DBP: variants seen among roughly 807,000 people sequenced by gnomAD.
DBP encodes D-box binding PAR bZIP transcription factor.
A neutral mutation model predicts 21.4 loss-of-function variants in DBP; 12 were observed. That is an observed-to-expected ratio of 0.56 (90% confidence interval 0.36 to 0.91). The LOEUF (loss-of-function observed/expected upper bound fraction) is 0.91. Ranked by LOEUF, DBP falls within the 40% of genes least tolerant of loss-of-function variation. The probability of loss-of-function intolerance (pLI) is 0.01; values close to 1 mark genes in which losing one functional copy is unlikely to be tolerated. For missense variants in DBP, 423 were observed against 473.4 expected (o/e 0.89, Z 0.99); for synonymous variants, 213 against 224.9 (o/e 0.95, Z 0.47).
At position 48,630,466 on chromosome 19, in the gene DBP, G is replaced by A. The variant is rs1364500062; in HGVS notation, c.*371C>T. 1 of 1,470,344 alleles carries A rather than the reference G, an allele frequency of 6.8e-7. No individual in the cohort carries two copies. Among genetic ancestry groups the A allele is most frequent in the Admixed American group, 2.6e-5 (1 of 38,578 alleles). 91.1% of individuals were successfully genotyped at this position (1,470,344 alleles called of 1,614,324 possible). ...GAGGACTCAGACTCCAGCACTTCCA[G>A]CAGCGCCTGCCCTCTATGGACGACA... is the stretch of plus-strand genomic sequence containing the variant. On this transcript the variant is annotated 3_prime_UTR_variant, in exon 4 of 4. Coordinates refer to ENST00000222122, the MANE Select transcript of DBP (RefSeq NM_001352.5). This position sits in a 1 kb window ranked among gnomAD's most constrained non-coding sequence, Gnocchi z 4.9.
intron 2 of DBP, chr19:48,634,150 C>T (rs2030696956): frequency 5.9e-6 from 1 of 169,672 alleles, no homozygotes; most frequent in East Asian, 1.6e-4. Flanking sequence ...CATAAAGATG[C>T]TTAGAGATCA....
At chr19:48,631,266 G>C (rs1178087312) in intron 3 of DBP, 2 of 577,240 alleles carry the variant, frequency 3.5e-6, no homozygotes, top group Admixed American at 6.0e-5. Flanking sequence ...CAAGCAACTC[G>C]CTTCAAGTCT....
In DBP at chr19:48,633,330, A is replaced by G. The variant is rs900743454; in HGVS notation, c.762+114T>C. The G allele has an allele frequency of 6.4e-6, 7 of 1,099,660 alleles. No individual in the cohort carries two copies. In the African/African-American group the frequency reaches 9.2e-5, roughly 15 times the overall value. 68.1% of individuals were successfully genotyped at this position (1,099,660 alleles called of 1,614,324 possible). On this transcript the variant is annotated intron_variant, in intron 3 of 3. Transcript: ENST00000222122. The stretch of plus-strand genomic sequence containing the variant: ...CTAATCTGTGGCTGCAGGCCAGGAG[A>G]GGCTGAGCACTAATCCCAAGGAGAA...
Position 48,636,990 on chromosome 19 carries a change from G to A in DBP, c.5C>T (p.Ala2Val). The change falls in exon 1 of 4, where the codon GCG (alanine) becomes GTG (valine). Residue 2 changes from alanine to valine, a missense_variant. Around this residue, in one of 4 missense-constraint regions of DBP, gnomAD observed 283 missense variants for 273.7 expected, o/e 1.03. Coordinates refer to ENST00000222122, the MANE Select transcript of DBP (RefSeq NM_001352.5). ...CGGGGTCCTGTCGCTCACAGGCCGC[G>A]CCATCGCCTGGCACCTGCCCCCAGG... M[A>V]RPVSDRTPAP... is the part of the protein sequence containing the mutation. 1.3e-6 allele frequency: 2 copies of A among 1,495,378 alleles called. No homozygotes were observed. Among genetic ancestry groups the A allele is most frequent in the Non-Finnish European group, 1.8e-6 (2 of 1,126,230 alleles). 92.6% of individuals were successfully genotyped at this position (1,495,378 alleles called of 1,614,324 possible).
chr19:48,630,146 G>T lies in DBP; in HGVS notation c.*691C>A. The T allele has an allele frequency of 8.0e-7, 1 of 1,250,694 alleles. No homozygotes were observed. The highest frequency in any genetic ancestry group is 1.0e-6 in the Non-Finnish European group (1 of 995,390). 77.5% of individuals were successfully genotyped at this position (1,250,694 alleles called of 1,614,324 possible). A position where few individuals can be genotyped will look rare whatever the true frequency, so the allele number is the denominator to read the frequency against. ...GACAGGACCTGGAATGTACTGGCTG[G>T]GGTAGGCCTCAGTGAGTCGGCCGGT... On this transcript the variant is annotated 3_prime_UTR_variant, in exon 4 of 4. Coordinates refer to ENST00000222122, the MANE Select transcript of DBP (RefSeq NM_001352.5). The surrounding 1 kb of genome is among the most constrained non-coding windows in gnomAD (Gnocchi z 4.9).
chr19:48,633,968 C>T lies in DBP; in HGVS notation c.551-313G>A, dbSNP rs1026843561. Reference sequence around the variant, plus strand: ...TACGAAAATTGCCCAGGTGTAGTGGCGGGTGCCGGTAAGCCCAGCTACTAG... The same window carrying T: ...TACGAAAATTGCCCAGGTGTAGTGGTGGGTGCCGGTAAGCCCAGCTACTAG... On this transcript the variant is annotated intron_variant, in intron 2 of 3. Transcript: ENST00000222122. 5.2e-5 allele frequency: 19 copies of T among 364,426 alleles called. No individual in the cohort carries two copies. In the East Asian group the frequency reaches 9.3e-4, roughly 18 times the overall value. 22.6% of individuals were successfully genotyped at this position (364,426 alleles called of 1,614,324 possible).
intron 3 of DBP, 125 bp downstream of exon 3, chr19:48,633,319 C>T (rs1216662519): frequency 9.9e-7 from 1 of 1,010,568 alleles, no homozygotes. Flanking sequence ...TCTGTGGCTG[C>T]AGGCCAGGAG....
intron 3 of DBP, chr19:48,631,606 C>T (rs888380317): frequency 5.2e-5 from 8 of 153,648 alleles, no homozygotes; most frequent in African/African-American, 1.9e-4. Context: ...AGCCTCTGAC[C>T]TGCTGGCCTT....
rs2030489100 is a variant in DBP, at chr19:48,630,199, TC to T, written c.*637del. On this transcript the variant is annotated 3_prime_UTR_variant, in exon 4 of 4. Transcript: ENST00000222122. The surrounding 1 kb of genome is among the most constrained non-coding windows in gnomAD (Gnocchi z 4.9). ...GGGCCCGCAGCCTCGCCCCATCCACTCCGGTGCCTCCATTTAGCTGGCCAAT... is the reference window on the plus strand; with the variant it reads ...GGGCCCGCAGCCTCGCCCCATCCACTCGGTGCCTCCATTTAGCTGGCCAAT... 1 of 1,251,568 alleles carries T rather than the reference TC, an allele frequency of 8.0e-7. No homozygotes were observed. The highest frequency in any genetic ancestry group is 3.9e-5 in the Admixed American group (1 of 25,906). The allele number at this position is 1,251,568 out of a possible 1,614,324, so 77.5% of individuals were successfully genotyped here. A position where few individuals can be genotyped will look rare whatever the true frequency, so the allele number is the denominator to read the frequency against.
At chr19:48,633,867 G>A (rs1243856076) in intron 2 of DBP, 12 of 576,862 alleles carry the variant, frequency 2.1e-5, no homozygotes, top group Non-Finnish European at 3.7e-5. Flanking sequence ...TTGGGAAGCC[G>A]AGGCGGCGAA....
At chr19:48,636,361 C>G (rs1054615182) in intron 1 of DBP, among the ~76,000 whole-genome samples, 1 of 152,082 alleles carries the variant, frequency 6.6e-6, no homozygotes, top group African/African-American at 2.4e-5. Context: ...TGTAATTTCA[C>G]TGTAATTACC....
Position 48,635,894 on chromosome 19 carries a change from C to A in DBP, c.236G>T (p.Gly79Val), listed in dbSNP as rs1243587471. 6 of 1,418,820 alleles carry A rather than the reference C, an allele frequency of 4.2e-6. No individual in the cohort carries two copies. The highest frequency in any genetic ancestry group is 5.5e-6 in the Non-Finnish European group (6 of 1,096,980). The allele number at this position is 1,418,820 out of a possible 1,614,324, so 87.9% of individuals were successfully genotyped here. A position where few individuals can be genotyped will look rare whatever the true frequency, so the allele number is the denominator to read the frequency against. Residue 79 changes from glycine to valine, a missense_variant, in exon 2 of 4, where the codon GGG becomes GTG. This residue lies in a region of DBP where 283 missense variants were observed against 273.7 expected (regional missense o/e 1.03). Coordinates refer to ENST00000222122, the MANE Select transcript of DBP (RefSeq NM_001352.5). ...CGGGGACCCTCCGCCCACCACTGCC[C>A]CAGCCGGGGCATCCGCCGGGCCCGC... ...ETAGPADAPA[G>V]AVVGGGSPRG...
At chr19:48,633,921 G>A in intron 2 of DBP, 1 of 488,718 alleles carries the variant, frequency 2.0e-6, no homozygotes, top group Non-Finnish European at 3.7e-6. Context: ...CCAACATGGA[G>A]AAACCTCATC....
Position 48,635,778 on chromosome 19 carries a change from C to T in DBP, c.352G>A (p.Asp118Asn). 7.0e-7 allele frequency: 1 copy of T among 1,430,080 alleles called. No homozygotes were observed. Among genetic ancestry groups the T allele is most frequent in the Non-Finnish European group, 9.1e-7 (1 of 1,099,322 alleles). The allele number at this position is 1,430,080 out of a possible 1,614,324, so 88.6% of individuals were successfully genotyped here. A position where few individuals can be genotyped will look rare whatever the true frequency, so the allele number is the denominator to read the frequency against. ...TGCTCCAGCAGGAAGGCGTCCAGGT[C>T]TACGTACTCCACATCGCCGAACGGC... Reference protein sequence around the residue: ...TLPFGDVEYVDLDAFLLEHGL... With the variant: ...TLPFGDVEYVNLDAFLLEHGL... Residue 118 changes from aspartate to asparagine, a missense_variant, in exon 2 of 4, where the codon GAC (aspartate) becomes AAC (asparagine). By Grantham distance (23) the Asp-to-Asn change is conservative. Coordinates refer to ENST00000222122, the MANE Select transcript of DBP (RefSeq NM_001352.5).
intron 3 of DBP, chr19:48,631,842 G>C (rs972909685): frequency 5.3e-5 from 8 of 152,116 alleles, no homozygotes; most frequent in African/African-American, 1.7e-4. Context: ...GTTCCTGCTT[G>C]TGAGGGTAAA....
At chr19:48,635,172 AAAGG>A in intron 2 of DBP, 1 of 1,030,530 alleles carries the variant, frequency 9.7e-7, no homozygotes, top group South Asian at 3.0e-5. Context: ...TTGCCCCTGT[AAAGG>A]ACCTAGGGGC....
intron 1 of DBP, among the ~76,000 whole-genome samples, 176 bp downstream of exon 1, chr19:48,636,680 T>C (rs1329867912): frequency 1.3e-5 from 2 of 151,920 alleles, no homozygotes; most frequent in African/African-American, 4.8e-5. Flanking sequence ...GAGCCGGCGC[T>C]TTTGGGTCCT....
intron 3 of DBP, chr19:48,631,350 G>C (rs756900186): frequency 2.5e-6 from 1 of 399,792 alleles, no homozygotes; most frequent in African/African-American, 2.0e-5. Flanking sequence ...GCTTGCTAAG[G>C]ATGCTTGTTC....
In DBP at chr19:48,631,078, T is replaced by C. The variant is rs575442192; in HGVS notation, c.763-26A>G. On this transcript the variant is annotated intron_variant, in intron 3 of 3. Coordinates refer to ENST00000222122, the MANE Select transcript of DBP (RefSeq NM_001352.5). ...CTGCAGGAGAAGAGGGGGAGAGCAC[T>C]GAGGTCCAGAGGGACCCAGGTCCCA... 49 of 1,601,904 alleles carry C rather than the reference T, an allele frequency of 3.1e-5. No individual in the cohort carries two copies. In the Admixed American group the frequency reaches 3.2e-4, roughly 11 times the overall value.
Sources: gnomAD v4.1 joint callset for allele counts (sites outside exome capture counted in the v4.1 genomes callset) on GRCh38, gnomAD v4.1.1 for gene constraint, gnomAD v4.1.1 regional missense constraint, Gnocchi (gnomAD v3.1) non-coding constraint, MANE v1.5 for transcripts, NCBI Gene and HGNC (gene_info 2026-07-23, HGNC 2026-07-21) for gene names.